CCDC91: variants seen among roughly 807,000 people sequenced by gnomAD.
CCDC91 encodes the protein coiled-coil domain-containing protein 91.
In CCDC91, 48 loss-of-function variants were observed where a neutral mutation model predicts 63.2. The observed-to-expected ratio is 0.76, with a 90% CI of 0.60 to 0.97. The LOEUF is 0.97. Ranked by LOEUF, CCDC91 falls within the 50% of genes least tolerant of loss-of-function variation. The probability of loss-of-function intolerance (pLI) is 0.00; values close to 1 mark genes in which losing one functional copy is unlikely to be tolerated. For synonymous variants in CCDC91, 167 were observed against 165.8 expected (o/e 1.01, Z -0.06); for missense variants, 500 against 494.6 (o/e 1.01, Z -0.10).
At chr12:28,383,416 A>G (rs1945412059) in intron 7 of CCDC91, among the ~76,000 whole-genome samples, 1 of 152,136 alleles carries the variant, frequency 6.6e-6, no homozygotes, top group African/African-American at 2.4e-5. Flanking sequence ...CCTTTTTTAA[A>G]TTAAGGAAAA....
At chr12:28,476,846 A>G (rs140714712) in intron 11 of CCDC91, among the ~76,000 whole-genome samples, 2,513 of 152,308 alleles carry the variant, frequency 0.016, 72 homozygotes, top group African/African-American at 0.057. Context: ...AAACACCTCT[A>G]TGCAAATAAA....
chr12:28,345,610 A>G (rs1421256235), intron 6 of CCDC91, among the ~76,000 whole-genome samples: 1 of 152,126 alleles, frequency 6.6e-6, no homozygotes, highest in Non-Finnish European at 1.5e-5. Context: ...ACATAGTTTA[A>G]AGAGCCATTT....
At chr12:28,194,265 C>CTG (rs901716698) in intron 1 of CCDC91, among the ~76,000 whole-genome samples, 6 of 151,850 alleles carry the variant, frequency 4.0e-5, no homozygotes, top group South Asian at 2.1e-4. Context: ...CTTTCTCTCT[C>CTG]TGTGTGTGTG....
chr12:28,269,470 A>G (rs1483765287), intron 3 of CCDC91, among the ~76,000 whole-genome samples: 1 of 152,090 alleles, frequency 6.6e-6, no homozygotes, highest in African/African-American at 2.4e-5. Context: ...TATCTCAGTC[A>G]AAAGCCACCA....
chr12:28,294,303 C>T (rs192207600), intron 3 of CCDC91, among the ~76,000 whole-genome samples: 3 of 152,060 alleles, frequency 2.0e-5, no homozygotes, highest in Non-Finnish European at 4.4e-5. Flanking sequence ...GGCTCTGTGT[C>T]CCCATCCAAA....
At chr12:28,264,169 T>G (rs1947015944) in intron 3 of CCDC91, among the ~76,000 whole-genome samples, 1 of 151,784 alleles carries the variant, frequency 6.6e-6, no homozygotes, top group Non-Finnish European at 1.5e-5. Context: ...CAATAGAGAC[T>G]AGACTAAATT....
intron 3 of CCDC91, among the ~76,000 whole-genome samples, chr12:28,261,750 CA>C (rs1380567663): frequency 1.3e-5 from 2 of 151,896 alleles, no homozygotes; most frequent in Non-Finnish European, 2.9e-5. Context: ...TTATATGTCA[CA>C]TCTGCACGTC....
intron 12 of CCDC91, among the ~76,000 whole-genome samples, chr12:28,539,688 C>A (rs899232052): frequency 2.6e-5 from 4 of 152,112 alleles, no homozygotes; most frequent in Admixed American, 6.6e-5. Flanking sequence ...TACTTGTTTA[C>A]AAGAAGTAGG....
At chr12:28,327,865 T>G (rs1205479437) in intron 6 of CCDC91, among the ~76,000 whole-genome samples, 2 of 152,108 alleles carry the variant, frequency 1.3e-5, no homozygotes, top group Non-Finnish European at 2.9e-5. Context: ...CTCATCAGTC[T>G]TAGCAGGTTT....
At chr12:28,267,780 A>C (rs189064624) in intron 3 of CCDC91, among the ~76,000 whole-genome samples, 4,419 of 19,452 alleles carry the variant, frequency 0.23, 780 homozygotes, top group East Asian at 0.44. Flanking sequence ...TATATTATTA[A>C]TATATAATTA....
chr12:28,237,279 AGTT>A (rs1212389027), intron 1 of CCDC91, among the ~76,000 whole-genome samples: 1 of 61,430 alleles, frequency 1.6e-5, no homozygotes, highest in Non-Finnish European at 4.8e-5. Flanking sequence ...TTTTAAAAAA[AGTT>A]GTTGTAGGCA....
chr12:28,362,318 T>C lies in CCDC91; in HGVS notation c.577-120T>C, dbSNP rs1414998280. ...TATGTTTTCTCTTTGTTTCCAGCTG[T>C]AGCATTGATGTGCCACAAACCACTG... is the stretch of plus-strand genomic sequence containing the variant. On this transcript the variant is annotated intron_variant, in intron 6 of 12. Coordinates refer to ENST00000536442, the MANE Select transcript of CCDC91 (RefSeq NM_018318.5). The C allele has an allele frequency of 1.1e-5, 6 of 533,910 alleles. No individual in the cohort carries two copies. The East Asian group carries it at 1.8e-4, about 16-fold the overall frequency. The allele number at this position is 533,910 out of a possible 1,614,324, so 33.1% of individuals were successfully genotyped here.
chr12:28,396,304 A>G (rs537620519), intron 8 of CCDC91, among the ~76,000 whole-genome samples: 111 of 152,318 alleles, frequency 7.3e-4, no homozygotes, highest in African/African-American at 2.4e-3. Context: ...ACTATATTTC[A>G]TAGGAAGGAT....
chr12:28,434,045 C>T (rs1427918689), intron 8 of CCDC91, among the ~76,000 whole-genome samples: 10 of 151,760 alleles, frequency 6.6e-5, no homozygotes, highest in East Asian at 3.9e-4. Context: ...ATAAATCTTG[C>T]GCTGTGCACC....
chr12:28,509,942 A>C (rs1202789290), intron 12 of CCDC91, among the ~76,000 whole-genome samples: 1 of 151,856 alleles, frequency 6.6e-6, no homozygotes, highest in East Asian at 1.9e-4. Flanking sequence ...CTGAACTGGT[A>C]ATAGTTTTGC....
chr12:28,457,244 G>A (rs1395595475), intron 11 of CCDC91, among the ~76,000 whole-genome samples: 2 of 151,820 alleles, frequency 1.3e-5, no homozygotes, highest in African/African-American at 2.4e-5. Flanking sequence ...GCAGCTAGTT[G>A]GGATACATAG....
At chr12:28,396,059 G>T (rs1946267435) in intron 8 of CCDC91, among the ~76,000 whole-genome samples, 1 of 152,116 alleles carries the variant, frequency 6.6e-6, no homozygotes, top group South Asian at 2.1e-4. Context: ...TATAAGTTAG[G>T]ATGGAATAAA....
At position 28,524,961 on chromosome 12, in the gene CCDC91, A is replaced by G. The variant is rs114144874; in HGVS notation, c.1216-24102A>G. ...TGTAATATCTCCCATTTCATTTCTA[A>G]TTGAGCTTAGTTGGATGTTCTCTCT... On this transcript the variant is annotated intron_variant, in intron 12 of 12. Coordinates refer to ENST00000536442, the MANE Select transcript of CCDC91 (RefSeq NM_018318.5). Among the ~76,000 whole-genome samples the G allele has an allele frequency of 2.0e-3, 305 of 152,204 alleles. 1 individual carries two copies. Among genetic ancestry groups the G allele is most frequent in the African/African-American group, 7.0e-3 (290 of 41,560 alleles).
intron 12 of CCDC91, among the ~76,000 whole-genome samples, chr12:28,502,268 A>G (rs551411355): frequency 4.9e-4 from 74 of 152,096 alleles, no homozygotes; most frequent in African/African-American, 1.7e-3. Flanking sequence ...AAAAATCACA[A>G]GCATTCTTAT....
Sources: gnomAD v4.1 joint callset for allele counts (sites outside exome capture counted in the v4.1 genomes callset) on GRCh38, gnomAD v4.1.1 for gene constraint, MANE v1.5 for transcripts, NCBI Gene and HGNC (gene_info 2026-07-23, HGNC 2026-07-21) for gene names.